The following ITGA4 variants were observed in gnomAD, a reference collection of about 807,000 sequenced individuals.
The protein encoded by ITGA4 is integrin alpha-4.
A neutral mutation model predicts 133.6 loss-of-function variants in ITGA4; 63 were observed. That is an observed-to-expected ratio of 0.47 (90% CI 0.38 to 0.58). ITGA4 has a LOEUF of 0.58. ITGA4 is among the 20% of genes least tolerant of loss of function. The pLI is 0.00. For synonymous variants in ITGA4, 483 were observed against 438.0 expected, an observed-to-expected ratio of 1.10 and a Z score of -1.28; for missense variants, 1,076 against 1,252.7, an observed-to-expected ratio of 0.86 and a Z score of 2.13.
Position 181,496,400 on chromosome 2 carries a change from G to A in ITGA4, c.1540+463G>A, listed in dbSNP as rs540773514. Among the ~76,000 whole-genome samples the A allele has an allele frequency of 2.1e-4, 32 of 151,938 alleles. 1 individual carries two copies. The highest frequency in any genetic ancestry group is 6.8e-4 in the African/African-American group (28 of 41,418). On this transcript the variant is annotated intron_variant, in intron 14 of 27. Coordinates refer to ENST00000397033, the MANE Select transcript of ITGA4 (RefSeq NM_000885.6). Reference sequence around the variant, plus strand: ...TCATCACACCACTGCATTCCAGCCCGGGCAATGGAATGAGACCCTGTCTCA... The same window carrying A: ...TCATCACACCACTGCATTCCAGCCCAGGCAATGGAATGAGACCCTGTCTCA...
intron 11 of ITGA4, among the ~76,000 whole-genome samples, chr2:181,494,024 A>G (rs758745557): frequency 9.2e-5 from 14 of 152,344 alleles, no homozygotes; most frequent in Non-Finnish European, 1.6e-4. Flanking sequence ...TGATTAGAAA[A>G]ATGAGCAAAT....
chr2:181,477,257 A>C (rs569287532), intron 4 of ITGA4, among the ~76,000 whole-genome samples: 6 of 152,120 alleles, frequency 3.9e-5, no homozygotes, highest in Non-Finnish European at 7.4e-5. Flanking sequence ...GAAACCATAA[A>C]ATTTCTAGTG....
At chr2:181,517,135 A>G (rs1209133079) in intron 17 of ITGA4, among the ~76,000 whole-genome samples, 1 of 152,072 alleles carries the variant, frequency 6.6e-6, no homozygotes, top group African/African-American at 2.4e-5. Flanking sequence ...TAAAGGAAAA[A>G]AAGATAAAAA....
At chr2:181,474,733 A>C (rs963969650) in intron 2 of ITGA4, among the ~76,000 whole-genome samples, 7 of 152,204 alleles carry the variant, frequency 4.6e-5, no homozygotes, top group African/African-American at 1.2e-4. Flanking sequence ...GATTGAGTCT[A>C]TCTTTTTATG....
chr2:181,524,607 G>A (rs1294364753), intron 20 of ITGA4, among the ~76,000 whole-genome samples: 2 of 152,070 alleles, frequency 1.3e-5, no homozygotes, highest in East Asian at 1.9e-4. Context: ...ATAGGAAATC[G>A]TTAATGACTA....
At chr2:181,528,051 C>G (rs1002840641) in intron 22 of ITGA4, among the ~76,000 whole-genome samples, 1 of 151,956 alleles carries the variant, frequency 6.6e-6, no homozygotes, top group African/African-American at 2.4e-5. Flanking sequence ...TTCTTTGAAC[C>G]AAAAGCACTG....
At chr2:181,507,350 CAATTG>C (rs1186521358) in intron 15 of ITGA4, among the ~76,000 whole-genome samples, 1 of 152,060 alleles carries the variant, frequency 6.6e-6, no homozygotes, top group Non-Finnish European at 1.5e-5. Flanking sequence ...TTAGGTTTCT[CAATTG>C]AATTCTGTTA....
chr2:181,484,177 G>A (rs1685864354), intron 9 of ITGA4, among the ~76,000 whole-genome samples: 1 of 152,212 alleles, frequency 6.6e-6, no homozygotes, highest in Non-Finnish European at 1.5e-5. Flanking sequence ...TGTGGAGAGA[G>A]ATTGTCTGTC....
At position 181,475,064 on chromosome 2, in the gene ITGA4, G is replaced by A. The variant is rs201346236; in HGVS notation, c.424G>A (p.Val142Met). The change falls in exon 3 of 28, where the codon GTG becomes ATG. Residue 142 changes from valine (V) to methionine (M), a missense_variant and splice_region_variant. Val to Met is a conservative substitution (Grantham distance 21). Around this residue, in one of 4 missense-constraint regions of ITGA4, gnomAD observed 436 missense variants for 590.7 expected, o/e 0.74. Transcript: ENST00000397033. ...SRQPGENGSI[V>M]TCGHRWKNIF... ...ACAGCCAGGAGAAAATGGATCCATC[G>A]TGGTAGGTATTGGAACTGGTCCACA... 54 of 1,613,640 alleles carry A rather than the reference G, an allele frequency of 3.3e-5. No homozygotes were observed. Among genetic ancestry groups the A allele is most frequent in the Non-Finnish European group, 3.9e-5 (46 of 1,179,700 alleles).
chr2:181,469,143 T>A (rs1226168666), intron 2 of ITGA4, among the ~76,000 whole-genome samples: 1 of 152,222 alleles, frequency 6.6e-6, no homozygotes, highest in Non-Finnish European at 1.5e-5. Context: ...ATGGCAGTTC[T>A]AATAATCGTC....
At chr2:181,521,352 T>C (rs1686716750) in intron 17 of ITGA4, among the ~76,000 whole-genome samples, 1 of 152,096 alleles carries the variant, frequency 6.6e-6, no homozygotes, top group African/African-American at 2.4e-5. Context: ...GCTGTGGCCT[T>C]TGAATAAGTT....
intron 5 of ITGA4, chr2:181,479,704 C>T (rs1225962779): frequency 1.3e-5 from 2 of 152,092 alleles, no homozygotes; most frequent in African/African-American, 4.8e-5. Context: ...CCTAAGCTAA[C>T]ATTATTAGTC....
chr2:181,535,484 G>GAGAC lies in ITGA4; in HGVS notation c.3059_3062dup (p.Ser1021ArgfsTer9), dbSNP rs1375896656. Reference sequence around the variant, plus strand: ...TCTATCCTACAAGAAGAAAACAGAAGAGACAGTTGGAGTTATATCAACAGT... The same window carrying GAGAC: ...TCTATCCTACAAGAAGAAAACAGAAGAGACAGACAGTTGGAGTTATATCAACAGT... On this transcript the variant is annotated frameshift_variant, in exon 28 of 28. Transcript: ENST00000397033. LOFTEE classifies it high-confidence loss of function. 1.2e-6 allele frequency: 2 copies of GAGAC among 1,609,556 alleles called. No individual in the cohort carries two copies. The highest frequency in any genetic ancestry group is 3.4e-5 in the Admixed American group (2 of 59,486).
At chr2:181,492,200 T>C (rs1432876383) in intron 10 of ITGA4, among the ~76,000 whole-genome samples, 1 of 152,256 alleles carries the variant, frequency 6.6e-6, no homozygotes, top group African/African-American at 2.4e-5. Context: ...TATTTGTATA[T>C]GAAAGTTTGA....
chr2:181,528,387 T>C (rs924527424), intron 22 of ITGA4, among the ~76,000 whole-genome samples: 2 of 152,262 alleles, frequency 1.3e-5, no homozygotes, highest in Non-Finnish European at 2.9e-5. Flanking sequence ...CAAACCGGAC[T>C]CTAGAATGTT....
intron 17 of ITGA4, among the ~76,000 whole-genome samples, chr2:181,519,471 AAAG>A (rs1454014831): frequency 1.3e-5 from 2 of 152,308 alleles, no homozygotes; most frequent in East Asian, 1.9e-4. Flanking sequence ...AAATAGAAAA[AAAG>A]AGGAAGAATT....
At position 181,498,764 on chromosome 2, in the gene ITGA4, A is replaced by G; in HGVS notation, c.1682A>G (p.Gln561Arg). 1.9e-6 allele frequency: 3 copies of G among 1,603,306 alleles called. No individual in the cohort carries two copies. Among genetic ancestry groups the G allele is most frequent in the Non-Finnish European group, 2.6e-6 (3 of 1,175,412 alleles). The stretch of plus-strand genomic sequence containing the variant: ...AGAGAAGCTAACTGTAGAACACATC[A>G]AGCATTTATGCGGGTAATGTAAGCT... ...SSREANCRTH[Q>R]AFMRKDVRDI... Residue 561 changes from glutamine (Q) to arginine (R), a missense_variant, in exon 15 of 28, where the codon CAA becomes CGA. This residue lies in a region of ITGA4 where 365 missense variants were observed against 421.4 expected (regional missense o/e 0.87). Coordinates refer to ENST00000397033, the MANE Select transcript of ITGA4 (RefSeq NM_000885.6).
Position 181,494,803 on chromosome 2 carries a change from G to T in ITGA4, c.1330G>T (p.Gly444Cys). ...ISGQIDADNN[G>C]YVDVAVGAFR... Reference sequence around the variant, plus strand: ...AGGACAAATTGATGCAGATAATAATGGCTATGTAGGTGAGTAATTAGTTTA... The same window carrying T: ...AGGACAAATTGATGCAGATAATAATTGCTATGTAGGTGAGTAATTAGTTTA... Residue 444 changes from glycine (G) to cysteine (C), a missense_variant, in exon 12 of 28, where the codon GGC becomes TGC. This residue lies in a region of ITGA4 where 436 missense variants were observed against 590.7 expected (regional missense o/e 0.74). Transcript: ENST00000397033. 6.6e-7 allele frequency: 1 copy of T among 1,504,196 alleles called. No homozygotes were observed. Among genetic ancestry groups the T allele is most frequent in the Non-Finnish European group, 9.3e-7 (1 of 1,080,148 alleles). The allele number at this position is 1,504,196 out of a possible 1,614,324, so 93.2% of individuals were successfully genotyped here.
intron 10 of ITGA4, among the ~76,000 whole-genome samples, chr2:181,490,161 G>A (rs774654673): frequency 1.3e-5 from 2 of 152,136 alleles, no homozygotes; most frequent in African/African-American, 2.4e-5. Flanking sequence ...GGTCGGGGTC[G>A]ATCTATAACT....
Sources: gnomAD v4.1 joint callset for allele counts (sites outside exome capture counted in the v4.1 genomes callset) on GRCh38, gnomAD v4.1.1 for gene constraint, gnomAD v4.1.1 regional missense constraint, MANE v1.5 for transcripts, NCBI Gene and HGNC (gene_info 2026-07-23, HGNC 2026-07-21) for gene names.